AKAP13: variants seen among roughly 807,000 people sequenced by gnomAD.
AKAP13 encodes the protein A-kinase anchor protein 13.
A neutral mutation model predicts 264.5 loss-of-function variants in AKAP13; 80 were observed. The observed-to-expected ratio is 0.30, with a 90% confidence interval of 0.25 to 0.36. The LOEUF (loss-of-function observed/expected upper bound fraction) is 0.36. AKAP13 is among the 10% of genes least tolerant of loss of function. The pLI, the probability that AKAP13 is intolerant of heterozygous loss-of-function variation, is 1.00. For synonymous variants in AKAP13, 1,380 were observed against 1,250.2 expected (o/e 1.10, Z -2.19); for missense variants, 3,712 against 3,435.2 (o/e 1.08, Z -2.01).
intron 1 of AKAP13, among the ~76,000 whole-genome samples, chr15:85,448,310 C>T (rs938575902): frequency 2.0e-5 from 3 of 152,168 alleles, no homozygotes; most frequent in Non-Finnish European, 4.4e-5. Context: ...TTCTCCCATT[C>T]TGTAGATTGT....
intron 1 of AKAP13, among the ~76,000 whole-genome samples, chr15:85,438,047 T>C (rs2073406814): frequency 6.8e-6 from 1 of 146,498 alleles, no homozygotes; most frequent in Non-Finnish European, 1.5e-5. Context: ...GCAGATGACA[T>C]GATTGTATAT....
At chr15:85,620,223 C>G (rs140784981) in intron 8 of AKAP13, 1 of 1,510,990 alleles carries the variant, frequency 6.6e-7, no homozygotes, top group African/African-American at 1.4e-5. Flanking sequence ...GCTGTTTTAG[C>G]GCTTTGAACC....
chr15:85,671,442 A>G (rs1362691778), intron 14 of AKAP13, among the ~76,000 whole-genome samples: 1 of 111,140 alleles, frequency 9.0e-6, no homozygotes, highest in African/African-American at 5.3e-5. Flanking sequence ...TCAAAAAAAA[A>G]AAAAAAAAAA....
chr15:85,727,515 A>G lies in AKAP13; in HGVS notation c.7087+52A>G. 6.9e-6 allele frequency: 11 copies of G among 1,594,248 alleles called. No homozygotes were observed. Among genetic ancestry groups the G allele is most frequent in the Non-Finnish European group, 9.5e-6 (11 of 1,163,716 alleles). On this transcript the variant is annotated intron_variant, in intron 29 of 36. Transcript: ENST00000394518. This position sits in a 1 kb window ranked among gnomAD's most constrained non-coding sequence, Gnocchi z 5.3. ...CCTTGTCTGGAATGTCTGCAGTTGC[A>G]GAAGACTGCTGGTGGATTTTAGAGG...
chr15:85,403,355 T>C (rs1184674561), intron 1 of AKAP13, among the ~76,000 whole-genome samples: 1 of 152,226 alleles, frequency 6.6e-6, no homozygotes, highest in African/African-American at 2.4e-5. Context: ...CATTTTTTTC[T>C]TCACAACATA....
At chr15:85,643,287 T>A (rs1288409251) in intron 9 of AKAP13, among the ~76,000 whole-genome samples, 1 of 151,960 alleles carries the variant, frequency 6.6e-6, no homozygotes, top group African/African-American at 2.4e-5. Context: ...CCCCCAACAC[T>A]AAACATTTCT....
intron 1 of AKAP13, among the ~76,000 whole-genome samples, chr15:85,451,806 T>A (rs1037411633): frequency 1.3e-5 from 2 of 152,252 alleles, no homozygotes; most frequent in Admixed American, 1.3e-4. Flanking sequence ...CATTTATTCT[T>A]TAATTTTCAT....
chr15:85,631,866 A>T (rs964544924), intron 8 of AKAP13, among the ~76,000 whole-genome samples: 1 of 152,174 alleles, frequency 6.6e-6, no homozygotes, highest in Non-Finnish European at 1.5e-5. Flanking sequence ...TAAATTTTTT[A>T]AAAATAAAAG....
intron 1 of AKAP13, among the ~76,000 whole-genome samples, chr15:85,460,458 C>G (rs2074468359): frequency 6.6e-6 from 1 of 152,194 alleles, no homozygotes; most frequent in African/African-American, 2.4e-5. Context: ...GACAGAAATA[C>G]CTTCCTTGCT....
At chr15:85,446,129 G>A (rs1348635193) in intron 1 of AKAP13, among the ~76,000 whole-genome samples, 1 of 152,176 alleles carries the variant, frequency 6.6e-6, no homozygotes, top group African/African-American at 2.4e-5. Flanking sequence ...AGGGAGTTTG[G>A]CTTTAATGTG....
chr15:85,633,972 A>G (rs903382417), intron 8 of AKAP13, among the ~76,000 whole-genome samples: 1 of 152,152 alleles, frequency 6.6e-6, no homozygotes, highest in African/African-American at 2.4e-5. Context: ...CAGAAAGGAT[A>G]TTTTTAAATA....
At chr15:85,720,810 A>G (rs1445730329) in intron 23 of AKAP13, among the ~76,000 whole-genome samples, 1 of 152,220 alleles carries the variant, frequency 6.6e-6, no homozygotes, top group Non-Finnish European at 1.5e-5. Context: ...TTTTTCAGGT[A>G]TTTACTGAGC....
chr15:85,714,953 C>G (rs911819175), intron 19 of AKAP13, among the ~76,000 whole-genome samples: 4 of 151,588 alleles, frequency 2.6e-5, no homozygotes, highest in Non-Finnish European at 4.4e-5. Flanking sequence ...GGCGACAGAA[C>G]AAGACTGCAT....
In AKAP13 at chr15:85,492,892, A is replaced by G. The variant is rs187004157; in HGVS notation, c.33+7139A>G. Among the ~76,000 whole-genome samples the G allele has an allele frequency of 2.5e-3, 381 of 152,328 alleles. 2 individuals are homozygous for G. The highest frequency in any genetic ancestry group is 7.9e-3 in the South Asian group (38 of 4,826). ...AATTATTGGAAGTGTTAACTTTGATACCTTAGTTAAGGTGGTATTGAATCT... is the reference window on the plus strand; with the variant it reads ...AATTATTGGAAGTGTTAACTTTGATGCCTTAGTTAAGGTGGTATTGAATCT... On this transcript the variant is annotated intron_variant, in intron 2 of 36. Transcript: ENST00000394518.
intron 33 of AKAP13, 85 bp from the exon 34 acceptor site, chr15:85,740,137 C>G: frequency 7.3e-7 from 1 of 1,369,510 alleles, no homozygotes; most frequent in Non-Finnish European, 1.0e-6. Flanking sequence ...TTAAAGGAGC[C>G]ATCTTATCAG....
rs192411430 is a variant in AKAP13, at chr15:85,724,670, G to A, written c.6745+1350G>A. 9.9e-5 allele frequency among the ~76,000 whole-genome samples: 15 copies of A among 151,558 alleles called. No homozygotes were observed. The highest frequency in any genetic ancestry group is 1.2e-4 in the Non-Finnish European group (8 of 67,956). ...GGGGGCAAAGAATGGGTTCAAAAAC[G>A]AGAACGGCAAGCAGGAGAGGGATAC... On this transcript the variant is annotated intron_variant, in intron 26 of 36. Transcript: ENST00000394518. This position sits in a 1 kb window ranked among gnomAD's most constrained non-coding sequence, Gnocchi z 4.2.
intron 18 of AKAP13, among the ~76,000 whole-genome samples, chr15:85,709,824 A>G (rs1233782750): frequency 1.3e-5 from 2 of 152,042 alleles, no homozygotes; most frequent in Non-Finnish European, 2.9e-5. Flanking sequence ...AGTAGCTGAG[A>G]TTACAGGTGC....
At chr15:85,711,227 T>A (rs1057046081) in intron 19 of AKAP13, among the ~76,000 whole-genome samples, 4 of 152,140 alleles carry the variant, frequency 2.6e-5, no homozygotes, top group African/African-American at 9.7e-5. Context: ...GTTCTTTTTT[T>A]TTATTATTTC....
chr15:85,630,188 CACACACACACACACACACACATCAT>C (rs1443062962), intron 8 of AKAP13, among the ~76,000 whole-genome samples: 19 of 77,408 alleles, frequency 2.5e-4, no homozygotes, highest in Admixed American at 1.5e-3. Context: ...CACACACACA[CACACACACACACACACACACATCAT>C]GAACTAAGAT....
Sources: allele counts gnomAD v4.1 joint callset (sites outside exome capture counted in the v4.1 genomes callset), GRCh38; gene constraint gnomAD v4.1.1; non-coding constraint Gnocchi (gnomAD v3.1); transcripts MANE v1.5; gene names NCBI Gene and HGNC (gene_info 2026-07-23, HGNC 2026-07-21).